HAAO: variants seen among roughly 807,000 people sequenced by gnomAD.
The protein encoded by HAAO is 3-hydroxyanthranilate oxygenase.
HAAO carries 49 observed loss-of-function variants against 46.2 expected under a neutral mutation model. The observed-to-expected ratio is 1.06, with a 90% confidence interval of 0.84 to 1.34. The LOEUF is 1.34. HAAO is among the 40% of genes most tolerant of loss of function. The pLI, the probability that HAAO is intolerant of heterozygous loss-of-function variation, is 0.00. For synonymous variants in HAAO, 157 were observed against 145.2 expected (o/e 1.08, Z -0.58); for missense variants, 408 against 364.5 (o/e 1.12, Z -0.97).
chr2:42,780,233 G>C (rs191792770), intron 4 of HAAO, among the ~76,000 whole-genome samples: 1 of 145,688 alleles, frequency 6.9e-6, no homozygotes, highest in Non-Finnish European at 1.5e-5. Context: ...TTTTAAGATG[G>C]AGTCTCGCTC....
chr2:42,792,408 AG>A (rs1287030086), intron 1 of HAAO, 48 bp downstream of exon 1: 8 of 953,182 alleles, frequency 8.4e-6, no homozygotes, highest in South Asian at 7.2e-5. Context: ...CAGATGGAGG[AG>A]GGGGAGGAGG....
At chr2:42,783,279 C>T (rs1672145372) in intron 4 of HAAO, 35 bp downstream of exon 4, 1 of 1,281,054 alleles carries the variant, frequency 7.8e-7, no homozygotes, top group Non-Finnish European at 1.1e-6. Context: ...TGCTGTTTGC[C>T]CTTTCTCTGC....
At chr2:42,776,908 A>C (rs1485511812) in intron 4 of HAAO, among the ~76,000 whole-genome samples, 2 of 151,888 alleles carry the variant, frequency 1.3e-5, no homozygotes, top group Admixed American at 6.6e-5. Context: ...CTGGGATTAC[A>C]GGCCTGAGCC....
Position 42,790,302 on chromosome 2 carries a change from A to T in HAAO, c.81-1695T>A, listed in dbSNP as rs554818510. Among the ~76,000 whole-genome samples, 55 of 152,192 alleles carry T rather than the reference A, an allele frequency of 3.6e-4. 2 individuals carry two copies. The South Asian group carries it at 0.011, about 32-fold the overall frequency. On this transcript the variant is annotated intron_variant, in intron 1 of 9. Coordinates refer to ENST00000294973, the MANE Select transcript of HAAO (RefSeq NM_012205.3). Reference sequence around the variant, plus strand: ...GCAGGGCAGGAGAAGGCTGTCATGAACAGTCCATGCTTAAAGAACTTAAAG... The same window carrying T: ...GCAGGGCAGGAGAAGGCTGTCATGATCAGTCCATGCTTAAAGAACTTAAAG...
At chr2:42,768,684 G>C (rs1573895420) in intron 7 of HAAO, among the ~76,000 whole-genome samples, 1 of 152,230 alleles carries the variant, frequency 6.6e-6, no homozygotes, top group East Asian at 1.9e-4. Context: ...CACCACTCTT[G>C]CCCTCCCAGC....
intron 7 of HAAO, 34 bp from the exon 8 acceptor site, chr2:42,767,962 T>G (rs1670797136): frequency 6.3e-7 from 1 of 1,590,548 alleles, no homozygotes; most frequent in African/African-American, 1.3e-5. Flanking sequence ...TTCTGGTGCT[T>G]CTTGCCCCAC....
Position 42,770,360 on chromosome 2 carries a change from C to T in HAAO, c.440+133G>A, listed in dbSNP as rs561237975. On this transcript the variant is annotated intron_variant, in intron 5 of 9. Coordinates refer to ENST00000294973, the MANE Select transcript of HAAO (RefSeq NM_012205.3). ...CCTCCCAGCGGGGCTGCTGCTCCCC[C>T]CTCCCCCCGGCCTGGCAGTGGGCTC... 7.6e-5 allele frequency: 68 copies of T among 890,072 alleles called. 1 individual carries two copies. Among genetic ancestry groups the T allele is most frequent in the South Asian group, 5.0e-4 (31 of 61,552 alleles). 55.1% of individuals were successfully genotyped at this position (890,072 alleles called of 1,614,324 possible). A position where few individuals can be genotyped will look rare whatever the true frequency, so the allele number is the denominator to read the frequency against.
chr2:42,791,437 G>A (rs912343443), intron 1 of HAAO, among the ~76,000 whole-genome samples: 3 of 152,096 alleles, frequency 2.0e-5, no homozygotes, highest in South Asian at 2.1e-4. Context: ...ATTGGGGGTG[G>A]GCAACAACAG....
At chr2:42,773,384 C>A in intron 4 of HAAO, among the ~76,000 whole-genome samples, 1 of 151,904 alleles carries the variant, frequency 6.6e-6, no homozygotes, top group Middle Eastern at 3.4e-3. Context: ...AGGCACTGGC[C>A]GTGATTCTAA....
At chr2:42,779,141 C>T (rs938446002) in intron 4 of HAAO, among the ~76,000 whole-genome samples, 12 of 152,040 alleles carry the variant, frequency 7.9e-5, no homozygotes, top group African/African-American at 2.7e-4. Flanking sequence ...AGTTCAGTTT[C>T]TCTATAAATT....
chr2:42,788,861 C>T (rs1672584382), intron 1 of HAAO: 1 of 476,798 alleles, frequency 2.1e-6, no homozygotes, highest in African/African-American at 1.9e-5. Context: ...TCTGACCCAA[C>T]AAGGGAAATG....
rs1457095400 is a variant in HAAO, at chr2:42,769,799, A to G, written c.544T>C (p.Ser182Pro). 2 of 1,613,948 alleles carry G rather than the reference A, an allele frequency of 1.2e-6. No homozygotes were observed. Among genetic ancestry groups the G allele is most frequent in the East Asian group, 4.5e-5 (2 of 44,870 alleles). ...LSTRSIMEPM[S>P]LDAWLDSHHR... ...TGGCTGTCCAGCCAGGCATCCAGGG[A>G]CATGGGCTCCATGATGGATCGTGTG... is the stretch of plus-strand genomic sequence containing the variant. Residue 182 changes from serine (S) to proline (P), a missense_variant, in exon 7 of 10, where the codon TCC (serine) becomes CCC (proline). Transcript: ENST00000294973.
chr2:42,786,403 A>G (rs1573952472), intron 2 of HAAO, among the ~76,000 whole-genome samples: 2 of 152,196 alleles, frequency 1.3e-5, no homozygotes, highest in East Asian at 3.8e-4. Context: ...TGGCTCAGGC[A>G]GATAATGAAT....
chr2:42,767,837 C>T (rs766224636), intron 8 of HAAO, 23 bp downstream of exon 8: 32 of 1,611,798 alleles, frequency 2.0e-5, no homozygotes, highest in Non-Finnish European at 2.7e-5. Context: ...GGTTCTGCAA[C>T]CCTGTCCCTG....
chr2:42,770,207 G>A lies in HAAO; in HGVS notation c.441-21C>T, dbSNP rs772166124. 22 of 1,587,870 alleles carry A rather than the reference G, an allele frequency of 1.4e-5. 1 individual carries two copies. Among genetic ancestry groups the A allele is most frequent in the Non-Finnish European group, 1.7e-5 (20 of 1,165,352 alleles). ...AGAACCTGCAAGGACGAACAGGGAG[G>A]AGCAGGAGTGGCGAGCACTCCCATC... On this transcript the variant is annotated intron_variant, in intron 5 of 9. Transcript: ENST00000294973.
At chr2:42,780,938 G>A (rs919446754) in intron 4 of HAAO, among the ~76,000 whole-genome samples, 16 of 147,000 alleles carry the variant, frequency 1.1e-4, no homozygotes, top group South Asian at 4.4e-4. Flanking sequence ...TTTGCTGGGC[G>A]TGGTGGCAGG....
At chr2:42,790,476 G>T (rs1264589695) in intron 1 of HAAO, among the ~76,000 whole-genome samples, 7 of 151,710 alleles carry the variant, frequency 4.6e-5, no homozygotes, top group Non-Finnish European at 8.8e-5. Flanking sequence ...CAGGAGGGTG[G>T]ACCAGCCATG....
intron 4 of HAAO, among the ~76,000 whole-genome samples, chr2:42,772,489 A>C (rs1461528769): frequency 6.6e-6 from 1 of 152,110 alleles, no homozygotes; most frequent in East Asian, 1.9e-4. Context: ...TCAAAAAAAA[A>C]AAAAAAGAAT....
Position 42,788,604 on chromosome 2 carries a change from G to A in HAAO, c.84C>T (p.His28=). Residue 28 remains histidine, a synonymous_variant, in exon 2 of 10, where the codon CAC becomes CAT. Coordinates refer to ENST00000294973, the MANE Select transcript of HAAO (RefSeq NM_012205.3). ...TGAACATGACTTTGAGCTGCTCCTG[G>A]TGCCTGCAATGCGCAAAGTGGGGGA... The part of the protein sequence containing the change: ...FQPPVCNKLM[H]QEQLKVMFIG... The A allele has an allele frequency of 1.3e-6, 2 of 1,568,376 alleles. No individual in the cohort carries two copies. Among genetic ancestry groups the A allele is most frequent in the Non-Finnish European group, 8.8e-7 (1 of 1,139,228 alleles).
Sources: allele counts gnomAD v4.1 joint callset (sites outside exome capture counted in the v4.1 genomes callset), GRCh38; gene constraint gnomAD v4.1.1; transcripts MANE v1.5; gene names NCBI Gene and HGNC (gene_info 2026-07-23, HGNC 2026-07-21).